Variants in PATJ observed in about 807,000 individuals in gnomAD.
PATJ encodes inaD-like protein.
Under a neutral mutation model 224.9 loss-of-function variants are expected in PATJ, and 190 were observed. The ratio of observed to expected loss-of-function variants is 0.84; its 90% CI spans 0.75 to 0.95. The LOEUF is 0.95. PATJ is among the 40% of genes least tolerant of loss of function. The pLI, the probability that PATJ is intolerant of heterozygous loss-of-function variation, is 0.00. For missense variants in PATJ, 2,121 were observed against 2,270.3 expected (o/e 0.93, Z 1.34); for synonymous variants, 769 against 820.3 (o/e 0.94, Z 1.07).
intron 33 of PATJ, among the ~76,000 whole-genome samples, chr1:62,094,703 C>T (rs1378344797): frequency 2.6e-4 from 40 of 152,128 alleles, no homozygotes; most frequent in Admixed American, 2.6e-3. Flanking sequence ...ATAATGCCCA[C>T]TTACGTTATC....
intron 27 of PATJ, among the ~76,000 whole-genome samples, chr1:61,970,629 A>T (rs1037723943): frequency 6.6e-6 from 1 of 152,114 alleles, no homozygotes; most frequent in African/African-American, 2.4e-5. Flanking sequence ...AGTAGCTAGG[A>T]TTGCAGGCAT....
intron 21 of PATJ, among the ~76,000 whole-genome samples, chr1:61,877,699 C>G (rs11207850): frequency 6.6e-6 from 1 of 151,998 alleles, no homozygotes; most frequent in Non-Finnish European, 1.5e-5. Flanking sequence ...CCATGCCTCT[C>G]GTACAGCCTG....
At chr1:61,750,194 C>T (rs1403150375) in intron 1 of PATJ, among the ~76,000 whole-genome samples, 1 of 152,216 alleles carries the variant, frequency 6.6e-6, no homozygotes, top group East Asian at 1.9e-4. Context: ...GATGAACATT[C>T]TCTAATGTAG....
At chr1:61,798,185 T>G (rs1651741813) in intron 11 of PATJ, among the ~76,000 whole-genome samples, 1 of 152,018 alleles carries the variant, frequency 6.6e-6, no homozygotes, top group African/African-American at 2.4e-5. Flanking sequence ...TGAGAGAAAA[T>G]AAAACACGTA....
Position 61,756,563 on chromosome 1 carries a change from CTTTTTTTTTTTTTTT to C in PATJ, c.-35-6284_-35-6270del, listed in dbSNP as rs370667808. ...CTTATATATTGCTAAAACCAGGACA[CTTTTTTTTTTTTTTT>C]TTTTTTTTTTGGTTCTGGGAGACAG... On this transcript the variant is annotated intron_variant, in intron 1 of 43. Transcript: ENST00000642238. 2.9e-4 allele frequency among the ~76,000 whole-genome samples: 19 copies of C among 65,624 alleles called. No individual in the cohort carries two copies. In the East Asian group the frequency reaches 5.2e-3, roughly 18 times the overall value. 43.1% of individuals were successfully genotyped at this position (65,624 alleles called of 152,430 possible).
At chr1:61,749,672 G>A (rs916659002) in intron 1 of PATJ, among the ~76,000 whole-genome samples, 4 of 150,498 alleles carry the variant, frequency 2.7e-5, no homozygotes, top group Non-Finnish European at 4.4e-5. Flanking sequence ...ACCCCTCACC[G>A]CAGCCTGGTG....
intron 24 of PATJ, among the ~76,000 whole-genome samples, chr1:61,902,263 C>T (rs769787237): frequency 9.9e-5 from 15 of 151,032 alleles, no homozygotes; most frequent in Admixed American, 2.0e-4. Flanking sequence ...ACTGAGAATG[C>T]CCTGAGGTCT....
chr1:61,810,723 TAAATAA>T (rs1654564677), intron 14 of PATJ, among the ~76,000 whole-genome samples: 1 of 149,566 alleles, frequency 6.7e-6, no homozygotes, highest in African/African-American at 2.5e-5. Context: ...AATAAATAAA[TAAATAA>T]ATAAATAAAT....
At position 61,835,194 on chromosome 1, in the gene PATJ, TTATC is replaced by T. The variant is rs1023649107; in HGVS notation, c.2112+1410_2112+1413del. Among the ~76,000 whole-genome samples, 2 of 152,210 alleles carry T rather than the reference TTATC, an allele frequency of 1.3e-5. 1 individual carries two copies. The highest frequency in any genetic ancestry group is 4.8e-5 in the African/African-American group (2 of 41,444). On this transcript the variant is annotated intron_variant, in intron 17 of 43. Transcript: ENST00000642238. ...ATTCCAAATATTTTGGAAAATATAT[TTATC>T]AAGAAATCTGAACACAGTTAAGCAT...
At chr1:61,977,245 A>G (rs1014287962) in intron 27 of PATJ, among the ~76,000 whole-genome samples, 12 of 151,802 alleles carry the variant, frequency 7.9e-5, no homozygotes, top group African/African-American at 2.9e-4. Flanking sequence ...GTGCCACCAC[A>G]CCCAGCTAAT....
At chr1:61,933,752 G>A (rs188553378) in intron 27 of PATJ, among the ~76,000 whole-genome samples, 1 of 152,120 alleles carries the variant, frequency 6.6e-6, no homozygotes, top group East Asian at 1.9e-4. Context: ...AAAATGTTAT[G>A]TCTTCTCCAA....
At chr1:62,081,405 G>C (rs1659261894) in intron 32 of PATJ, among the ~76,000 whole-genome samples, 1 of 152,164 alleles carries the variant, frequency 6.6e-6, no homozygotes, top group African/African-American at 2.4e-5. Context: ...TTCCATGAGA[G>C]AAGTAAATAA....
chr1:62,106,063 A>ATATATAT lies in PATJ; in HGVS notation c.4378-2374_4378-2373insTATATAT, dbSNP rs1553268231. 4.7e-3 allele frequency among the ~76,000 whole-genome samples: 187 copies of ATATATAT among 39,658 alleles called. 13 individuals carry two copies. Among genetic ancestry groups the ATATATAT allele is most frequent in the African/African-American group, 0.018 (180 of 10,152 alleles). 26.0% of individuals were successfully genotyped at this position (39,658 alleles called of 152,430 possible). On this transcript the variant is annotated intron_variant, in intron 33 of 43. Transcript: ENST00000642238. ...CTCCTCTTAAAAAAAAAAAAAAAAA[A>ATATATAT]ATATATATATATATATACACACACA...
chr1:61,908,625 C>A (rs1447453395), intron 25 of PATJ, 143 bp downstream of exon 25: 2 of 603,756 alleles, frequency 3.3e-6, no homozygotes, highest in East Asian at 5.7e-5. Context: ...AAAATTTAGT[C>A]ATAAGGTTCC....
intron 22 of PATJ, among the ~76,000 whole-genome samples, chr1:61,893,633 T>C (rs946510306): frequency 2.6e-5 from 4 of 151,796 alleles, no homozygotes; most frequent in African/African-American, 9.7e-5. Context: ...AGACCCCGTA[T>C]CTACAAAAGG....
chr1:61,802,724 T>C (rs532985744), intron 12 of PATJ, among the ~76,000 whole-genome samples: 96 of 152,352 alleles, frequency 6.3e-4, no homozygotes, highest in Admixed American at 2.0e-3. Flanking sequence ...CAAGCTGTTA[T>C]ACCTTTATTC....
chr1:62,096,300 G>A (rs986095991), intron 33 of PATJ, among the ~76,000 whole-genome samples: 3 of 152,178 alleles, frequency 2.0e-5, no homozygotes, highest in Admixed American at 2.0e-4. Context: ...AAAGTGCTGA[G>A]AGCATTGATT....
intron 18 of PATJ, among the ~76,000 whole-genome samples, chr1:61,857,070 A>G (rs1428568522): frequency 6.6e-6 from 1 of 152,148 alleles, no homozygotes; most frequent in African/African-American, 2.4e-5. Context: ...AAGAACCCCT[A>G]TAATGTCAAA....
chr1:61,790,208 A>AG (rs1285514999), intron 8 of PATJ, among the ~76,000 whole-genome samples: 1 of 31,838 alleles, frequency 3.1e-5, no homozygotes, highest in Non-Finnish European at 6.0e-5. Flanking sequence ...TGTCTCTGAG[A>AG]AAAAAAAAAA....
Sources: gnomAD v4.1 joint callset for allele counts (sites outside exome capture counted in the v4.1 genomes callset) on GRCh38, gnomAD v4.1.1 for gene constraint, MANE v1.5 for transcripts, NCBI Gene and HGNC (gene_info 2026-07-23, HGNC 2026-07-21) for gene names.